GRID2: variants seen among roughly 807,000 people sequenced by gnomAD.
GRID2 encodes the protein glutamate ionotropic receptor delta type subunit 2.
In GRID2, 33 loss-of-function variants were observed where a neutral mutation model predicts 114.8. The observed-to-expected ratio is 0.29, with a 90% CI of 0.22 to 0.38. GRID2 has a LOEUF of 0.38. Among genes scored for constraint, GRID2 ranks in the 10% least tolerant of loss-of-function variants. The pLI is 1.00. For missense variants in GRID2, 1,184 were observed against 1,257.7 expected (o/e 0.94, Z 0.89); for synonymous variants, 505 against 449.9 (o/e 1.12, Z -1.55).
intron 8 of GRID2, among the ~76,000 whole-genome samples, chr4:93,252,437 T>G (rs951058754): frequency 2.0e-5 from 3 of 151,816 alleles, no homozygotes; most frequent in Non-Finnish European, 4.4e-5. Context: ...GTATCTGTTC[T>G]TGTACAAGTA....
intron 1 of GRID2, among the ~76,000 whole-genome samples, chr4:92,365,500 G>A (rs1728815727): frequency 6.6e-6 from 1 of 151,880 alleles, no homozygotes; most frequent in African/African-American, 2.4e-5. Context: ...GGTGGTGGTG[G>A]TGGTGGTGGT....
chr4:93,403,937 C>A (rs1297708773), intron 9 of GRID2, among the ~76,000 whole-genome samples: 1 of 152,056 alleles, frequency 6.6e-6, no homozygotes, highest in Non-Finnish European at 1.5e-5. Flanking sequence ...ATGCTCATAG[C>A]AGCATGGTTG....
intron 2 of GRID2, among the ~76,000 whole-genome samples, chr4:92,790,761 TCTC>T (rs560187970): frequency 1.1e-3 from 164 of 151,862 alleles, no homozygotes; most frequent in South Asian, 7.1e-3. Flanking sequence ...AAATAACCTT[TCTC>T]CTCCTAAATC....
intron 2 of GRID2, among the ~76,000 whole-genome samples, chr4:92,844,682 T>G (rs1263777029): frequency 7.2e-6 from 1 of 138,748 alleles, no homozygotes; most frequent in Non-Finnish European, 1.5e-5. Flanking sequence ...CTCCAGCCTG[T>G]GCAACAGAGC....
At chr4:92,885,565 A>G (rs1165320981) in intron 2 of GRID2, among the ~76,000 whole-genome samples, 2 of 152,202 alleles carry the variant, frequency 1.3e-5, no homozygotes, top group Admixed American at 6.5e-5. Context: ...TTTCATTTCA[A>G]AATCAAACAT....
intron 1 of GRID2, among the ~76,000 whole-genome samples, chr4:92,529,201 A>G (rs773008029): frequency 6.6e-6 from 1 of 152,042 alleles, no homozygotes; most frequent in Non-Finnish European, 1.5e-5. Context: ...TCATATATAG[A>G]AAGGACTGCC....
chr4:92,792,503 ACT>A (rs1739642742), intron 2 of GRID2, among the ~76,000 whole-genome samples: 1 of 135,832 alleles, frequency 7.4e-6, no homozygotes, highest in Non-Finnish European at 1.6e-5. Flanking sequence ...ACACACACAC[ACT>A]GTCACTCTCT....
intron 2 of GRID2, among the ~76,000 whole-genome samples, chr4:92,853,720 G>T (rs1242025323): frequency 5.9e-5 from 9 of 151,970 alleles, no homozygotes; most frequent in Non-Finnish European, 2.9e-5. Flanking sequence ...TAAGTCTGAT[G>T]AATTAACAGT....
intron 1 of GRID2, among the ~76,000 whole-genome samples, chr4:92,346,255 G>C (rs567976974): frequency 6.6e-6 from 1 of 152,266 alleles, no homozygotes; most frequent in South Asian, 2.1e-4. Context: ...ATCTTGTGTA[G>C]GGACACAAGT....
At chr4:92,515,088 G>T (rs1314912210) in intron 1 of GRID2, among the ~76,000 whole-genome samples, 4 of 151,782 alleles carry the variant, frequency 2.6e-5, no homozygotes, top group African/African-American at 9.7e-5. Context: ...TGACATAGTC[G>T]ATACATATAA....
chr4:93,660,090 A>G (rs1723354444), intron 14 of GRID2, among the ~76,000 whole-genome samples: 2 of 152,094 alleles, frequency 1.3e-5, no homozygotes, highest in Non-Finnish European at 2.9e-5. Flanking sequence ...TTAAATAATT[A>G]CAGTTGAATT....
At chr4:93,139,647 CT>C (rs1560920057) in intron 4 of GRID2, among the ~76,000 whole-genome samples, 1 of 152,032 alleles carries the variant, frequency 6.6e-6, no homozygotes, top group Non-Finnish European at 1.5e-5. Flanking sequence ...CCCCGGAAGA[CT>C]TTTCCCTTAC....
At chr4:93,595,249 C>T (rs1738956121) in intron 13 of GRID2, among the ~76,000 whole-genome samples, 1 of 152,162 alleles carries the variant, frequency 6.6e-6, no homozygotes, top group South Asian at 2.1e-4. Flanking sequence ...TTAGTTGTGG[C>T]CTCTCTTATG....
chr4:93,538,210 C>T (rs1468397144), intron 13 of GRID2, among the ~76,000 whole-genome samples: 1 of 151,562 alleles, frequency 6.6e-6, no homozygotes, highest in Middle Eastern at 3.2e-3. Context: ...AAAATTTTTT[C>T]ATTCCAGAAA....
intron 2 of GRID2, among the ~76,000 whole-genome samples, chr4:92,777,441 A>T (rs987481323): frequency 6.6e-6 from 1 of 152,000 alleles, no homozygotes; most frequent in Non-Finnish European, 1.5e-5. Flanking sequence ...ATTTCTCCAT[A>T]TGTTGCTAAG....
intron 2 of GRID2, among the ~76,000 whole-genome samples, chr4:92,926,369 T>G (rs573294201): frequency 6.6e-6 from 1 of 152,092 alleles, no homozygotes; most frequent in South Asian, 2.1e-4. Flanking sequence ...GTGGTGACAA[T>G]TTGTTGTGTG....
At chr4:92,648,853 AAATT>A (rs1213299284) in intron 2 of GRID2, among the ~76,000 whole-genome samples, 1 of 147,766 alleles carries the variant, frequency 6.8e-6, no homozygotes, top group South Asian at 2.1e-4. Context: ...GCAAAGATAA[AAATT>A]AAGTTGTCAA....
rs548215298 is a variant in GRID2 at position 92,957,078 on chromosome 4, G to A, written c.245-127917G>A. ...CCTCTATCAGATATGTCTTTTGCACGTATTTTCTCTCAGTCTGTTGCTTGT... is the reference window on the plus strand; with the variant it reads ...CCTCTATCAGATATGTCTTTTGCACATATTTTCTCTCAGTCTGTTGCTTGT... On this transcript the variant is annotated intron_variant, in intron 2 of 15. Transcript: ENST00000282020. Among the ~76,000 whole-genome samples, 18 of 152,044 alleles carry A rather than the reference G, an allele frequency of 1.2e-4. 1 individual carries two copies. Among genetic ancestry groups the A allele is most frequent in the South Asian group, 4.2e-4 (2 of 4,818 alleles).
chr4:93,105,944 G>C (rs1053349229), intron 3 of GRID2, among the ~76,000 whole-genome samples: 2 of 152,068 alleles, frequency 1.3e-5, no homozygotes, highest in Non-Finnish European at 2.9e-5. Context: ...ACAGATTACA[G>C]GGATTAACAT....
Sources: gnomAD v4.1 joint callset for allele counts (sites outside exome capture counted in the v4.1 genomes callset) on GRCh38, gnomAD v4.1.1 for gene constraint, MANE v1.5 for transcripts, NCBI Gene and HGNC (gene_info 2026-07-23, HGNC 2026-07-21) for gene names.